MRPL35: variants seen among roughly 807,000 people sequenced by gnomAD.
The protein encoded by MRPL35 is mitochondrial ribosomal protein L35.
In MRPL35, 18 loss-of-function variants were observed where a neutral mutation model predicts 21.6. That is an observed-to-expected ratio of 0.83 (90% CI 0.58 to 1.24). The LOEUF is 1.24. MRPL35 is among the 50% of genes most tolerant of loss of function. The pLI is 0.00. For missense variants in MRPL35, 223 were observed against 223.2 expected (o/e 1.00, Z 0.01); for synonymous variants, 87 against 86.9 (o/e 1.00, Z -0.01).
chr2:86,207,379 G>T (rs1553454738), intron 3 of MRPL35, 52 bp downstream of exon 3: 2 of 1,576,840 alleles, frequency 1.3e-6, no homozygotes, highest in South Asian at 2.3e-5. Flanking sequence ...GGCCGGGCGT[G>T]GTGGCTCACG....
intron 1 of MRPL35, 43 bp downstream of exon 1, chr2:86,199,576 G>T (rs181608984): frequency 6.2e-7 from 1 of 1,612,044 alleles, no homozygotes; most frequent in Admixed American, 1.7e-5. Flanking sequence ...TTCACAGAAG[G>T]GGAAACTGGT....
In MRPL35 at chr2:86,213,402, C is replaced by T; in HGVS notation, c.*2734C>T. The T allele has an allele frequency of 1.6e-6, 2 of 1,273,480 alleles. No homozygotes were observed. Among genetic ancestry groups the T allele is most frequent in the Non-Finnish European group, 2.0e-6 (2 of 1,010,624 alleles). 78.9% of individuals were successfully genotyped at this position (1,273,480 alleles called of 1,614,324 possible). A position where few individuals can be genotyped will look rare whatever the true frequency, so the allele number is the denominator to read the frequency against. ...TGCTTTTAGTCCTCTGAATCTGCTT[C>T]TTTTCTTACTGCTGCTTTATTTTAC... On this transcript the variant is annotated 3_prime_UTR_variant, in exon 4 of 4. Coordinates refer to ENST00000337109, the MANE Select transcript of MRPL35 (RefSeq NM_016622.4).
chr2:86,207,961 T>G (rs544755629), intron 3 of MRPL35, among the ~76,000 whole-genome samples: 14 of 152,240 alleles, frequency 9.2e-5, no homozygotes, highest in Non-Finnish European at 1.8e-4. Context: ...TTTTTGAGAT[T>G]TAGTAACTGC....
intron 1 of MRPL35, 85 bp downstream of exon 1, chr2:86,199,618 T>C (rs893469324): frequency 1.1e-5 from 16 of 1,521,572 alleles, no homozygotes; most frequent in Non-Finnish European, 1.1e-5. Flanking sequence ...GACTGGAGGT[T>C]AACAAGCAAA....
intron 1 of MRPL35, among the ~76,000 whole-genome samples, chr2:86,204,374 A>T (rs1289270639): frequency 6.6e-6 from 1 of 150,498 alleles, no homozygotes; most frequent in Non-Finnish European, 1.5e-5. Context: ...TTTTTTTATT[A>T]ATTTAGCAAG....
rs778109026 is a variant in MRPL35 at position 86,206,114 on chromosome 2, C to T, written c.52C>T (p.Arg18Trp). ...GAVRAASGILRPLNILASSTY... is the reference protein window; with the variant it reads ...GAVRAASGILWPLNILASSTY... ...TGCTCCTATCTTTACAGGAATCCTA[C>T]GGCCCCTGAATATTTTGGCATCTTC... The change falls in exon 2 of 4, where the codon CGG becomes TGG. Residue 18 changes from arginine to tryptophan, a missense_variant. By Grantham distance (101) the Arg-to-Trp change is moderately radical. Coordinates refer to ENST00000337109, the MANE Select transcript of MRPL35 (RefSeq NM_016622.4). 5.0e-6 allele frequency: 8 copies of T among 1,608,084 alleles called. No homozygotes were observed. The highest frequency in any genetic ancestry group is 1.7e-5 in the Admixed American group (1 of 59,736).
Position 86,206,274 on chromosome 2 carries a change from A to C in MRPL35, c.212A>C (p.His71Pro). 6.2e-7 allele frequency: 1 copy of C among 1,613,434 alleles called. No individual in the cohort carries two copies. The highest frequency in any genetic ancestry group is 8.5e-7 in the Non-Finnish European group (1 of 1,179,488). Residue 71 changes from histidine to proline, a missense_variant, in exon 2 of 4, where the codon CAT (histidine) becomes CCT (proline). His to Pro is a moderately conservative substitution (Grantham distance 77). Coordinates refer to ENST00000337109, the MANE Select transcript of MRPL35 (RefSeq NM_016622.4). ...TTSERNLTCGHTSVILNRMAP... is the reference protein window; with the variant it reads ...TTSERNLTCGPTSVILNRMAP... ...TCTGAGAGAAACCTGACATGTGGGC[A>C]TACCTCAGTGATCCTTAATAGGTAG...
At chr2:86,200,568 GA>G (rs1673665280) in intron 1 of MRPL35, among the ~76,000 whole-genome samples, 2 of 152,110 alleles carry the variant, frequency 1.3e-5, no homozygotes, top group African/African-American at 4.8e-5. Flanking sequence ...GCCTGGTTTT[GA>G]ACTTCACATG....
In MRPL35 at chr2:86,201,015, G is replaced by T. The variant is rs148375691; in HGVS notation, c.43+1482G>T. ...GCCACAATTCTCCATTTCCAGTTTG[G>T]GGCAATTATGTACAAAGCTGATTGA... On this transcript the variant is annotated intron_variant, in intron 1 of 3. Coordinates refer to ENST00000337109, the MANE Select transcript of MRPL35 (RefSeq NM_016622.4). Among the ~76,000 whole-genome samples the T allele has an allele frequency of 1.1e-3, 161 of 152,158 alleles. 1 individual carries two copies. The highest frequency in any genetic ancestry group is 3.4e-3 in the African/African-American group (143 of 41,496).
intron 3 of MRPL35, among the ~76,000 whole-genome samples, chr2:86,208,064 CTTGATGT>C (rs1469149730): frequency 1.3e-5 from 2 of 152,100 alleles, no homozygotes; most frequent in Non-Finnish European, 2.9e-5. Context: ...GTAGAACTTT[CTTGATGT>C]TTGAAAGGTT....
chr2:86,207,396 A>G, intron 3 of MRPL35, 69 bp downstream of exon 3: 1 of 1,516,152 alleles, frequency 6.6e-7, no homozygotes, highest in Non-Finnish European at 8.9e-7. Flanking sequence ...CACGCCTATA[A>G]TCCCAGCACT....
At chr2:86,204,185 T>C (rs1475886954) in intron 1 of MRPL35, among the ~76,000 whole-genome samples, 1 of 152,008 alleles carries the variant, frequency 6.6e-6, no homozygotes, top group Admixed American at 6.6e-5. Context: ...GGTTTCTCCA[T>C]GTTGGTCAGG....
intron 1 of MRPL35, 26 bp downstream of exon 1, chr2:86,199,559 G>A (rs1374555841): frequency 6.2e-7 from 1 of 1,613,856 alleles, no homozygotes; most frequent in South Asian, 1.1e-5. Flanking sequence ...CATACTCCAT[G>A]CATGCCTTCA....
intron 1 of MRPL35, among the ~76,000 whole-genome samples, chr2:86,201,386 G>A (rs1031977056): frequency 6.6e-6 from 1 of 151,916 alleles, no homozygotes; most frequent in African/African-American, 2.4e-5. Flanking sequence ...TTTCCTATTG[G>A]ATTGTTTGTC....
chr2:86,210,785 C>A lies in MRPL35; in HGVS notation c.*117C>A, dbSNP rs1673889820. The A allele has an allele frequency of 1.4e-6, 2 of 1,384,696 alleles. No homozygotes were observed. The highest frequency in any genetic ancestry group is 1.9e-6 in the Non-Finnish European group (2 of 1,062,978). 85.8% of individuals were successfully genotyped at this position (1,384,696 alleles called of 1,614,324 possible). A position where few individuals can be genotyped will look rare whatever the true frequency, so the allele number is the denominator to read the frequency against. On this transcript the variant is annotated 3_prime_UTR_variant, in exon 4 of 4. Coordinates refer to ENST00000337109, the MANE Select transcript of MRPL35 (RefSeq NM_016622.4). ...TTGTACCAATGAATACGTAAACATACAGTGACAACATTAAACTTAGAAAAG... is the reference window on the plus strand; with the variant it reads ...TTGTACCAATGAATACGTAAACATAAAGTGACAACATTAAACTTAGAAAAG...
At chr2:86,199,456 T>C (rs771104573), upstream of MRPL35, 1 of 1,613,882 alleles carries the variant, frequency 6.2e-7, no homozygotes, top group South Asian at 1.1e-5. Context: ...CTTGTGCTTT[T>C]AAACCCAAAG....
At position 86,212,679 on chromosome 2, in the gene MRPL35, C is replaced by T. The variant is rs185460003; in HGVS notation, c.*2011C>T. On this transcript the variant is annotated 3_prime_UTR_variant, in exon 4 of 4. Coordinates refer to ENST00000337109, the MANE Select transcript of MRPL35 (RefSeq NM_016622.4). ...TAGAGATAAGGACTGGCAACCAGAGCCTCAGCATCCAAAGATGGACTGAAG... is the reference window on the plus strand; with the variant it reads ...TAGAGATAAGGACTGGCAACCAGAGTCTCAGCATCCAAAGATGGACTGAAG... 64 of 1,233,038 alleles carry T rather than the reference C, an allele frequency of 5.2e-5. No homozygotes were observed. In the East Asian group the frequency reaches 2.0e-3, roughly 39 times the overall value. 76.4% of individuals were successfully genotyped at this position (1,233,038 alleles called of 1,614,324 possible). A position where few individuals can be genotyped will look rare whatever the true frequency, so the allele number is the denominator to read the frequency against.
intron 3 of MRPL35, among the ~76,000 whole-genome samples, chr2:86,209,338 G>C (rs559470120): frequency 1.6e-3 from 240 of 152,320 alleles, no homozygotes; most frequent in Non-Finnish European, 2.4e-3. Context: ...GTTTTGTTCA[G>C]TTGGTATTGT....
intron 3 of MRPL35, among the ~76,000 whole-genome samples, chr2:86,209,636 A>G (rs1224613733): frequency 6.6e-6 from 1 of 152,216 alleles, no homozygotes; most frequent in Non-Finnish European, 1.5e-5. Flanking sequence ...TTAGAAAAGT[A>G]CTTCCTATAA....
Sources: allele counts gnomAD v4.1 joint callset (sites outside exome capture counted in the v4.1 genomes callset), GRCh38; gene constraint gnomAD v4.1.1; transcripts MANE v1.5; gene names NCBI Gene and HGNC (gene_info 2026-07-23, HGNC 2026-07-21).